Variants in FAM186A observed in about 807,000 individuals in gnomAD.
FAM186A encodes the protein protein FAM186A.
In FAM186A, 163 loss-of-function variants were observed where a neutral mutation model predicts 216.8. The observed-to-expected ratio is 0.75, with a 90% CI of 0.66 to 0.86. The LOEUF is 0.86. Ranked by LOEUF, FAM186A falls within the 40% of genes least tolerant of loss-of-function variation. FAM186A has a pLI of 0.00. For synonymous variants in FAM186A, 805 were observed against 1,025.3 expected (o/e 0.79, Z 4.10); for missense variants, 2,184 against 2,746.2 (o/e 0.80, Z 4.58).
At position 50,351,220 on chromosome 12, in the gene FAM186A, C is replaced by T; in HGVS notation, c.5612G>A (p.Gly1871Glu). The T allele has an allele frequency of 6.4e-7, 1 of 1,551,498 alleles. No individual in the cohort carries two copies. The highest frequency in any genetic ancestry group is 8.7e-7 in the Non-Finnish European group (1 of 1,146,934). Residue 1871 changes from glycine to glutamate, a missense_variant, in exon 4 of 8, where the codon GGG becomes GAG. By Grantham distance (98) the Gly-to-Glu change is moderately conservative. Transcript: ENST00000327337. ...PLVPEASSIP[G>E]DLLESGPLTF... The stretch of plus-strand genomic sequence containing the variant: ...TAAGGGTCCAGATTCCAGGAGGTCC[C>T]CAGGGATGGAAGAGGCTTCAGGAAC...
intron 4 of FAM186A, among the ~76,000 whole-genome samples, chr12:50,349,275 G>C (rs568664300): frequency 6.6e-6 from 1 of 150,874 alleles, no homozygotes; most frequent in Non-Finnish European, 1.5e-5. Flanking sequence ...GCAGTGGCGC[G>C]ATCTTGGTTT....
intron 1 of FAM186A, among the ~76,000 whole-genome samples, chr12:50,371,485 C>T (rs150094068): frequency 4.9e-4 from 75 of 152,242 alleles, no homozygotes; most frequent in Non-Finnish European, 9.3e-4. Flanking sequence ...GATATTTTGA[C>T]ATACACTACA....
chr12:50,391,476 C>A (rs565518618), intron 1 of FAM186A, among the ~76,000 whole-genome samples: 1 of 146,822 alleles, frequency 6.8e-6, no homozygotes, highest in Admixed American at 6.8e-5. Flanking sequence ...CCACCATGCC[C>A]GGCTAATTTT....
intron 7 of FAM186A, 68 bp downstream of exon 7, chr12:50,330,505 A>G: frequency 6.7e-7 from 1 of 1,492,490 alleles, no homozygotes; most frequent in Non-Finnish European, 9.0e-7. Flanking sequence ...GGAGAAAGTC[A>G]AGTTAGGGAA....
intron 1 of FAM186A, among the ~76,000 whole-genome samples, chr12:50,391,784 T>C (rs2136108805): frequency 6.6e-6 from 1 of 152,322 alleles, no homozygotes; most frequent in South Asian, 2.1e-4. Context: ...TAGTTTATTT[T>C]TTAAAATGAA....
At position 50,350,745 on chromosome 12, in the gene FAM186A, G is replaced by C. The variant is rs1048088471; in HGVS notation, c.6087C>G (p.Thr2029=). Reference sequence around the variant, plus strand: ...GAAGGGCCCTTTCATCAGTGTAAGGGGTTTGGTATACTGGTGTCCTATATT... The same window carrying C: ...GAAGGGCCCTTTCATCAGTGTAAGGCGTTTGGTATACTGGTGTCCTATATT... ...FTKYRTPVYQ[T]PYTDERALLT... Residue 2029 remains threonine, a synonymous_variant, in exon 4 of 8, where the codon ACC becomes ACG. Coordinates refer to ENST00000327337, the MANE Select transcript of FAM186A (RefSeq NM_001145475.3). The C allele has an allele frequency of 8.4e-6, 13 of 1,551,472 alleles. No homozygotes were observed. The highest frequency in any genetic ancestry group is 1.0e-5 in the Non-Finnish European group (12 of 1,146,992).
At chr12:50,380,197 G>A (rs4768916) in intron 1 of FAM186A, among the ~76,000 whole-genome samples, 147,653 of 152,294 alleles carry the variant, frequency 0.97, 71,743 homozygotes, top group East Asian at 1. Context: ...CTTAGAAGAA[G>A]ATAAATAGGT....
At position 50,327,529 on chromosome 12, in the gene FAM186A, T is replaced by G. The variant is rs1942617249; in HGVS notation, c.7035-125A>C. 3.7e-5 allele frequency: 24 copies of G among 653,678 alleles called. No individual in the cohort carries two copies. The South Asian group carries it at 4.8e-4, about 13-fold the overall frequency. The allele number at this position is 653,678 out of a possible 1,614,324, so 40.5% of individuals were successfully genotyped here. On this transcript the variant is annotated intron_variant, in intron 7 of 7. Coordinates refer to ENST00000327337, the MANE Select transcript of FAM186A (RefSeq NM_001145475.3). Reference sequence around the variant, plus strand: ...CTCAAAAAGATAAACTAGTAAAATCTGTATGTAATCCTTTTTTTTTTTTTT... The same window carrying G: ...CTCAAAAAGATAAACTAGTAAAATCGGTATGTAATCCTTTTTTTTTTTTTT...
chr12:50,352,661 G>A lies in FAM186A; in HGVS notation c.4171C>T (p.Gln1391Ter), dbSNP rs993498600. ...AGAGGCATCCCCAAGGCCTGAGCCT[G>A]CTGAGGGGTGAGAGGGATCCCCAGT... is the stretch of plus-strand genomic sequence containing the variant. ...QELGIPLTPQ[Q>*]AQALGMPLTT... Residue 1391 changes from glutamine to a stop codon, truncating the protein, a stop_gained, in exon 4 of 8, where the codon CAG becomes TAG. Transcript: ENST00000327337. LOFTEE classifies it high-confidence loss of function. 2.0e-6 allele frequency: 3 copies of A among 1,526,228 alleles called. No homozygotes were observed. The highest frequency in any genetic ancestry group is 2.6e-6 in the Non-Finnish European group (3 of 1,133,178). 94.5% of individuals were successfully genotyped at this position (1,526,228 alleles called of 1,614,324 possible).
chr12:50,353,169 A>T lies in FAM186A; in HGVS notation c.3663T>A (p.Pro1221=), dbSNP rs1468584353. The change falls in exon 4 of 8, where the codon CCT becomes CCA. Residue 1221 remains proline (P), a synonymous_variant. Transcript: ENST00000327337. ...QAQELGIPLT[P]QQAQALGITL... ...TGATCCCCAGGGCCTGGGCCTGCTGAGGGGTGAGAGGGATCCCCAATTCCT... is the reference window on the plus strand; with the variant it reads ...TGATCCCCAGGGCCTGGGCCTGCTGTGGGGTGAGAGGGATCCCCAATTCCT... 1.3e-6 allele frequency: 2 copies of T among 1,481,850 alleles called. No individual in the cohort carries two copies. The highest frequency in any genetic ancestry group is 2.5e-5 in the South Asian group (2 of 78,876). 91.8% of individuals were successfully genotyped at this position (1,481,850 alleles called of 1,614,324 possible).
In FAM186A at chr12:50,354,546, CA is replaced by C; in HGVS notation, c.2285del (p.Leu762CysfsTer26). On this transcript the variant is annotated frameshift_variant, in exon 4 of 8. Coordinates refer to ENST00000327337, the MANE Select transcript of FAM186A (RefSeq NM_001145475.3). LOFTEE classifies it high-confidence loss of function. ...QKKVVSFMPG[L>X]HFQKSPISAK... is the part of the protein sequence containing the mutation. Reference sequence around the variant, plus strand: ...CACTAATTGGTGACTTCTGAAAATGCAATCCTGGCATAAATGAGACTACCTT... The same window carrying C: ...CACTAATTGGTGACTTCTGAAAATGCATCCTGGCATAAATGAGACTACCTT... 6.4e-7 allele frequency: 1 copy of C among 1,551,636 alleles called. No individual in the cohort carries two copies. Among genetic ancestry groups the C allele is most frequent in the Non-Finnish European group, 8.7e-7 (1 of 1,147,004 alleles).
intron 2 of FAM186A, among the ~76,000 whole-genome samples, chr12:50,361,251 T>G (rs1028554949): frequency 2.0e-5 from 3 of 152,226 alleles, no homozygotes; most frequent in Admixed American, 6.5e-5. Flanking sequence ...TAGGCTGGAG[T>G]GCGGAGGCGC....
Position 50,350,693 on chromosome 12 carries a change from G to C in FAM186A, c.6139C>G (p.Pro2047Ala). The change falls in exon 4 of 8, where the codon CCA (proline) becomes GCA (alanine). Residue 2047 changes from proline (P) to alanine (A), a missense_variant. Transcript: ENST00000327337. Reference protein sequence around the residue: ...LLTLMKPTTSPSSLTTLLRTS... With the variant: ...LLTLMKPTTSASSLTTLLRTS... ...CTGAGTAGAGTAGTGAGAGAAGATG[G>C]TGATGTTGTTGGCTTCATGAGAGTG... is the stretch of plus-strand genomic sequence containing the variant. 9 of 1,551,632 alleles carry C rather than the reference G, an allele frequency of 5.8e-6. No homozygotes were observed. The highest frequency in any genetic ancestry group is 7.8e-6 in the Non-Finnish European group (9 of 1,146,984).
At chr12:50,337,122 C>T (rs1185535312) in intron 4 of FAM186A, among the ~76,000 whole-genome samples, 2 of 150,952 alleles carry the variant, frequency 1.3e-5, no homozygotes, top group African/African-American at 2.4e-5. Flanking sequence ...TTTAATTTTC[C>T]AATAAGCCTC....
rs1322301114 is a variant in FAM186A at position 50,354,146 on chromosome 12, C to T, written c.2686G>A (p.Ala896Thr). 1.5e-5 allele frequency: 24 copies of T among 1,551,576 alleles called. No individual in the cohort carries two copies. The highest frequency in any genetic ancestry group is 2.0e-5 in the Non-Finnish European group (23 of 1,146,998). ...TCTTGCTCAGCCTGCTTTGGAGTTG[C>T]CTGTTTTTGCTCTTCCTTCCACATC... ...EEMWKEEQKQ[A>T]TPKQAEQEEK... Residue 896 changes from alanine to threonine, a missense_variant, in exon 4 of 8, where the codon GCA becomes ACA. Coordinates refer to ENST00000327337, the MANE Select transcript of FAM186A (RefSeq NM_001145475.3).
intron 1 of FAM186A, among the ~76,000 whole-genome samples, chr12:50,379,740 C>T (rs573350382): frequency 2.6e-4 from 39 of 150,158 alleles, no homozygotes; most frequent in Non-Finnish European, 4.4e-4. Context: ...GAGCCAAGAT[C>T]GCGCCATTGC....
chr12:50,362,231 C>T (rs1340536950), intron 2 of FAM186A, among the ~76,000 whole-genome samples: 2 of 151,960 alleles, frequency 1.3e-5, no homozygotes, highest in Non-Finnish European at 2.9e-5. Context: ...CCTTGGCCTC[C>T]CAAAGTGCTA....
intron 5 of FAM186A, 26 bp downstream of exon 5, chr12:50,333,885 G>A (rs773841848): frequency 9.7e-6 from 15 of 1,543,008 alleles, no homozygotes; most frequent in Non-Finnish European, 1.3e-5. Context: ...CAACATGCTG[G>A]ACAGAGGGAG....
intron 3 of FAM186A, among the ~76,000 whole-genome samples, chr12:50,357,735 C>T (rs1942993006): frequency 6.6e-6 from 1 of 152,166 alleles, no homozygotes; most frequent in African/African-American, 2.4e-5. Flanking sequence ...CTTGGAGTCG[C>T]GTCCATCCTC....
Sources: allele counts gnomAD v4.1 joint callset (sites outside exome capture counted in the v4.1 genomes callset), GRCh38; gene constraint gnomAD v4.1.1; transcripts MANE v1.5; gene names NCBI Gene and HGNC (gene_info 2026-07-23, HGNC 2026-07-21).